Variants in APBA2 observed in about 807,000 individuals in gnomAD.
APBA2 encodes the protein amyloid beta precursor protein binding family A member 2.
Under a neutral mutation model 75.0 loss-of-function variants are expected in APBA2, and 30 were observed. The ratio of observed to expected loss-of-function variants is 0.40; its 90% confidence interval spans 0.30 to 0.54. APBA2 has a LOEUF of 0.54. Ranked by LOEUF, APBA2 falls within the 20% of genes least tolerant of loss-of-function variation. APBA2 has a pLI of 0.49. For synonymous variants in APBA2, 444 were observed against 409.6 expected (o/e 1.08, Z -1.01); for missense variants, 801 against 1,016.1 (o/e 0.79, Z 2.88).
chr15:28,976,253 A>C (rs1056431563), intron 2 of APBA2, among the ~76,000 whole-genome samples: 1 of 152,174 alleles, frequency 6.6e-6, no homozygotes, highest in South Asian at 2.1e-4. Flanking sequence ...GCTTTTCTCT[A>C]TGGACAGTAT....
At chr15:28,993,932 C>T (rs2038372330) in intron 2 of APBA2, among the ~76,000 whole-genome samples, 1 of 152,168 alleles carries the variant, frequency 6.6e-6, no homozygotes, top group South Asian at 2.1e-4. Context: ...CTGGAGAGGA[C>T]AGGGGCTGGC....
At chr15:28,952,689 A>T (rs2035952720) in intron 2 of APBA2, among the ~76,000 whole-genome samples, 1 of 152,226 alleles carries the variant, frequency 6.6e-6, no homozygotes, top group African/African-American at 2.4e-5. Flanking sequence ...TTTACACTGC[A>T]TGTATGCCTA....
intron 6 of APBA2, among the ~76,000 whole-genome samples, chr15:29,081,007 C>T (rs1010209669): frequency 2.0e-5 from 3 of 152,174 alleles, no homozygotes; most frequent in Non-Finnish European, 4.4e-5. Flanking sequence ...TATAGCTCAT[C>T]AACTTGCCCA....
Position 29,053,959 on chromosome 15 carries a change from C to A in APBA2, c.75C>A (p.His25Gln). ...GGGTGAGACCAGGTCCTGTCCCTCA[C>A]AGCCAGGAGCCCGAGAGCGAGGACA... is the stretch of plus-strand genomic sequence containing the variant. ...DHRVRPGPVPHSQEPESEDME... is the reference protein window; with the variant it reads ...DHRVRPGPVPQSQEPESEDME... Residue 25 changes from histidine to glutamine, a missense_variant, in exon 4 of 15, where the codon CAC (histidine) becomes CAA (glutamine). Transcript: ENST00000683413. 6.2e-7 allele frequency: 1 copy of A among 1,614,116 alleles called. No individual in the cohort carries two copies. Among genetic ancestry groups the A allele is most frequent in the Non-Finnish European group, 8.5e-7 (1 of 1,180,016 alleles).
chr15:29,006,586 G>A (rs1008142848), intron 3 of APBA2, among the ~76,000 whole-genome samples: 2 of 152,208 alleles, frequency 1.3e-5, no homozygotes, highest in Non-Finnish European at 2.9e-5. Context: ...GGGGAGGCCT[G>A]ACAATCATGG....
chr15:29,001,943 GT>G (rs1338863386), intron 3 of APBA2, among the ~76,000 whole-genome samples: 2 of 152,134 alleles, frequency 1.3e-5, no homozygotes, highest in African/African-American at 4.8e-5. Flanking sequence ...AATTAATTAT[GT>G]CCAATTCTAA....
intron 1 of APBA2, among the ~76,000 whole-genome samples, chr15:28,898,040 C>T (rs995546022): frequency 6.6e-6 from 1 of 152,032 alleles, no homozygotes; most frequent in Non-Finnish European, 1.5e-5. Flanking sequence ...TGGAGTGATG[C>T]GGCCACAGCT....
intron 3 of APBA2, among the ~76,000 whole-genome samples, chr15:29,003,112 G>A (rs79949634): frequency 0.079 from 11,966 of 151,030 alleles, 640 homozygotes; most frequent in East Asian, 0.27. Flanking sequence ...TAGATGGCTT[G>A]GGAGAAGCCC....
intron 2 of APBA2, among the ~76,000 whole-genome samples, chr15:28,935,586 G>A (rs1212985244): frequency 3.3e-5 from 5 of 152,182 alleles, no homozygotes; most frequent in South Asian, 4.1e-4. Flanking sequence ...GGGTTGCAGC[G>A]CCCAGCCTAG....
At chr15:29,084,968 G>A (rs972409014) in intron 6 of APBA2, among the ~76,000 whole-genome samples, 1 of 152,108 alleles carries the variant, frequency 6.6e-6, no homozygotes, top group Non-Finnish European at 1.5e-5. Context: ...ACATATTTTT[G>A]TGTTGTTCTA....
intron 3 of APBA2, among the ~76,000 whole-genome samples, chr15:29,023,905 AT>A (rs200312116): frequency 0.037 from 4,969 of 133,858 alleles, 75 homozygotes; most frequent in Non-Finnish European, 0.047. Context: ...CTTTTTGTCG[AT>A]TTTTTTTTTT....
intron 1 of APBA2, among the ~76,000 whole-genome samples, chr15:28,892,500 T>A (rs1417511808): frequency 6.6e-6 from 1 of 152,190 alleles, no homozygotes; most frequent in Non-Finnish European, 1.5e-5. Flanking sequence ...CTGGGAGCAA[T>A]GGCCTGTAAC....
At chr15:28,998,200 C>CTTTTTTTTT (rs397937522) in intron 3 of APBA2, among the ~76,000 whole-genome samples, 1 of 132,300 alleles carries the variant, frequency 7.6e-6, no homozygotes, top group Non-Finnish European at 1.6e-5. Flanking sequence ...TCTTCTTTTT[C>CTTTTTTTTT]TTTTTTTTTT....
intron 3 of APBA2, among the ~76,000 whole-genome samples, chr15:29,005,761 G>C (rs917344648): frequency 6.6e-6 from 1 of 152,172 alleles, no homozygotes; most frequent in African/African-American, 2.4e-5. Context: ...CTACTCAGGA[G>C]GCTGAGGCAG....
intron 6 of APBA2, among the ~76,000 whole-genome samples, chr15:29,080,788 T>G (rs1485521680): frequency 1.3e-5 from 2 of 152,208 alleles, no homozygotes; most frequent in Non-Finnish European, 2.9e-5. Context: ...ACCAAAAGGC[T>G]GATGTTAGTC....
chr15:28,893,688 G>A (rs2032284940), intron 1 of APBA2, among the ~76,000 whole-genome samples: 7 of 152,142 alleles, frequency 4.6e-5, no homozygotes, highest in Admixed American at 3.9e-4. Flanking sequence ...GCGTGTCATC[G>A]TTTTGCAGGT....
intron 4 of APBA2, among the ~76,000 whole-genome samples, chr15:29,055,709 GTGTA>G (rs2041854568): frequency 1.4e-5 from 2 of 147,742 alleles, no homozygotes; most frequent in African/African-American, 5.1e-5. Flanking sequence ...GTGTGTGTGT[GTGTA>G]CTGAGAGCTT....
intron 2 of APBA2, among the ~76,000 whole-genome samples, chr15:28,929,472 G>A (rs1346658055): frequency 6.6e-6 from 1 of 152,174 alleles, no homozygotes; most frequent in Non-Finnish European, 1.5e-5. Context: ...TCAGATCCAA[G>A]GGTGTAGCAC....
intron 12 of APBA2, among the ~76,000 whole-genome samples, chr15:29,107,845 G>C (rs920065145): frequency 3.3e-5 from 5 of 152,222 alleles, no homozygotes; most frequent in African/African-American, 4.8e-5. Context: ...TCCTTGGAGG[G>C]CATTGGGTTT....
Sources: allele counts gnomAD v4.1 joint callset (sites outside exome capture counted in the v4.1 genomes callset), GRCh38; gene constraint gnomAD v4.1.1; transcripts MANE v1.5; gene names NCBI Gene and HGNC (gene_info 2026-07-23, HGNC 2026-07-21).